Variants in RASSF3 observed in about 807,000 individuals in gnomAD.
The protein encoded by RASSF3 is ras association domain-containing protein 3.
RASSF3 carries 19 observed loss-of-function variants against 19.9 expected under a neutral mutation model. That is an observed-to-expected ratio of 0.96 (90% CI 0.67 to 1.40). RASSF3 has a LOEUF of 1.40. Ranked by LOEUF, RASSF3 falls within the 40% of genes most tolerant of loss-of-function variation. The pLI is 0.00. For synonymous variants in RASSF3, 110 were observed against 104.2 expected (o/e 1.06, Z -0.34); for missense variants, 306 against 289.8 (o/e 1.06, Z -0.41).
intron 1 of RASSF3, among the ~76,000 whole-genome samples, chr12:64,684,009 A>AGTGTGTGTGT (rs1555216478): frequency 4.1e-5 from 3 of 74,006 alleles, no homozygotes; most frequent in Admixed American, 2.6e-4. Flanking sequence ...AGAGAGAGAG[A>AGTGTGTGTGT]GTGAGTGTGT....
upstream of RASSF3, among the ~76,000 whole-genome samples, chr12:64,606,476 G>T (rs1054653681): frequency 1.3e-5 from 2 of 152,150 alleles, no homozygotes; most frequent in Non-Finnish European, 2.9e-5. Flanking sequence ...GTAAACCAAA[G>T]AAAATAAAAT....
At chr12:64,573,880 G>C (rs1025262472) in intron 2 of RASSF3, among the ~76,000 whole-genome samples, 1 of 152,120 alleles carries the variant, frequency 6.6e-6, no homozygotes, top group Non-Finnish European at 1.5e-5. Context: ...AACAGCAGGA[G>C]TCAGGGATCA....
chr12:64,581,132 A>C (rs1419482831), intron 2 of RASSF3, among the ~76,000 whole-genome samples: 1 of 150,822 alleles, frequency 6.6e-6, no homozygotes, highest in Non-Finnish European at 1.5e-5. Flanking sequence ...AGAGAGAGAG[A>C]GAGCTTATAA....
In RASSF3 at chr12:64,586,577, C is replaced by A. The variant is rs574307464; in HGVS notation, c.294+44872C>A. 3.4e-5 allele frequency among the ~76,000 whole-genome samples: 5 copies of A among 146,844 alleles called. No homozygotes were observed. The Admixed American group carries it at 3.4e-4, about 10-fold the overall frequency. ...CAGAGATAGTCACTGATTTATATTACAAGTATTATTATTATTATCCTCATT... is the reference window on the plus strand; with the variant it reads ...CAGAGATAGTCACTGATTTATATTAAAAGTATTATTATTATTATCCTCATT... On this transcript the variant is annotated intron_variant, in intron 2 of 5. Transcript: ENST00000637125.
chr12:64,612,696 G>A (rs575349662), intron 1 of RASSF3, among the ~76,000 whole-genome samples: 15 of 152,026 alleles, frequency 9.9e-5, no homozygotes, highest in East Asian at 7.7e-4. Flanking sequence ...GGCTGGTCTC[G>A]AACTCCTGGC....
chr12:64,585,766 G>A (rs1436195135), intron 2 of RASSF3, among the ~76,000 whole-genome samples: 1 of 151,968 alleles, frequency 6.6e-6, no homozygotes, highest in East Asian at 1.9e-4. Context: ...CAGCAAGCCT[G>A]GTTAATTGTT....
chr12:64,659,423 G>A (rs1404342822), intron 1 of RASSF3, among the ~76,000 whole-genome samples: 3 of 152,134 alleles, frequency 2.0e-5, no homozygotes, highest in Admixed American at 2.0e-4. Flanking sequence ...TCCTAGCCCT[G>A]GTGGTGAATT....
chr12:64,647,714 G>A (rs11175499), intron 1 of RASSF3, among the ~76,000 whole-genome samples: 18,207 of 151,176 alleles, frequency 0.12, 1,382 homozygotes, highest in African/African-American at 0.22. Context: ...CCCGGCCCCG[G>A]CCTTGTATTT....
At chr12:64,655,245 T>TA (rs1372591878) in intron 1 of RASSF3, among the ~76,000 whole-genome samples, 1 of 152,268 alleles carries the variant, frequency 6.6e-6, no homozygotes, top group Non-Finnish European at 1.5e-5. Flanking sequence ...AGGCCTGTGA[T>TA]ATACTGTGTC....
At chr12:64,548,112 G>A (rs1328438218) in intron 2 of RASSF3, among the ~76,000 whole-genome samples, 1 of 152,150 alleles carries the variant, frequency 6.6e-6, no homozygotes. Context: ...GCTCTAAGGT[G>A]TAATATTTAT....
chr12:64,686,706 A>G (rs890818163), intron 2 of RASSF3, among the ~76,000 whole-genome samples: 7 of 152,180 alleles, frequency 4.6e-5, no homozygotes, highest in African/African-American at 1.7e-4. Flanking sequence ...GGGTGCCTGC[A>G]GTCCCAGCTA....
At chr12:64,559,475 T>C (rs1869312233) in intron 2 of RASSF3, among the ~76,000 whole-genome samples, 1 of 152,050 alleles carries the variant, frequency 6.6e-6, no homozygotes, top group Non-Finnish European at 1.5e-5. Context: ...TTCACCGTGT[T>C]AGCCAGGATG....
chr12:64,564,149 T>C (rs893286154), intron 2 of RASSF3, among the ~76,000 whole-genome samples: 1 of 152,232 alleles, frequency 6.6e-6, no homozygotes, highest in Non-Finnish European at 1.5e-5. Context: ...ATGTTGGGGT[T>C]TGTTGTTCTA....
chr12:64,665,014 T>A (rs2136201484), intron 1 of RASSF3, among the ~76,000 whole-genome samples: 1 of 152,310 alleles, frequency 6.6e-6, no homozygotes, highest in South Asian at 2.1e-4. Flanking sequence ...TGTTGAAAAA[T>A]ATTAGAATTG....
intron 2 of RASSF3, among the ~76,000 whole-genome samples, chr12:64,583,183 C>A (rs1172070909): frequency 6.6e-6 from 1 of 152,120 alleles, no homozygotes; most frequent in Non-Finnish European, 1.5e-5. Flanking sequence ...AGAATAGGAA[C>A]AAAATGATCT....
intron 1 of RASSF3, among the ~76,000 whole-genome samples, chr12:64,522,393 C>A (rs1868497605): frequency 2.0e-5 from 3 of 152,098 alleles, no homozygotes; most frequent in African/African-American, 7.2e-5. Flanking sequence ...TTTCACTGTC[C>A]TTTAGCATGT....
chr12:64,595,203 G>A (rs748175341), intron 2 of RASSF3, among the ~76,000 whole-genome samples: 1 of 150,802 alleles, frequency 6.6e-6, no homozygotes, highest in Non-Finnish European at 1.5e-5. Context: ...GAGTAGCTAG[G>A]ACTATAGTTG....
intron 1 of RASSF3, among the ~76,000 whole-genome samples, chr12:64,671,477 A>G (rs1279293211): frequency 6.6e-6 from 1 of 152,134 alleles, no homozygotes; most frequent in Non-Finnish European, 1.5e-5. Context: ...TCTTTTGATG[A>G]TGTAAGTGTT....
chr12:64,653,489 A>G (rs1486509834), intron 1 of RASSF3, among the ~76,000 whole-genome samples: 5 of 152,190 alleles, frequency 3.3e-5, no homozygotes, highest in Non-Finnish European at 7.3e-5. Context: ...GTCTCCAGAG[A>G]AGATCACATT....
Sources: gnomAD v4.1 joint callset for allele counts (sites outside exome capture counted in the v4.1 genomes callset) on GRCh38, gnomAD v4.1.1 for gene constraint, MANE v1.5 for transcripts, NCBI Gene and HGNC (gene_info 2026-07-23, HGNC 2026-07-21) for gene names.